The following CNTN2 variants were observed in gnomAD, a reference collection of about 807,000 sequenced individuals.
CNTN2 encodes the protein contactin-2.
In CNTN2, 53 loss-of-function variants were observed where a neutral mutation model predicts 117.5. The observed-to-expected ratio is 0.45, with a 90% confidence interval of 0.36 to 0.57. The LOEUF is 0.57. Ranked by LOEUF, CNTN2 falls within the 20% of genes least tolerant of loss-of-function variation. The pLI is 0.00. For missense variants in CNTN2, 1,106 were observed against 1,404.3 expected (o/e 0.79, Z 3.39); for synonymous variants, 530 against 561.7 (o/e 0.94, Z 0.80).
chr1:205,066,512 C>T lies in CNTN2; in HGVS notation c.1888C>T (p.Arg630Cys), dbSNP rs574231253. The change falls in exon 15 of 23, where the codon CGT (arginine) becomes TGT (cysteine). Residue 630 changes from arginine to cysteine, a missense_variant. Coordinates refer to ENST00000331830, the MANE Select transcript of CNTN2 (RefSeq NM_005076.5). ...GDTTIQLSWS[R>C]GFDNHSPIAK... ...CACCACCATCCAGCTCAGCTGGAGC[C>T]GTGGCTTCGACAACCACAGCCCCAT... 27 of 1,614,064 alleles carry T rather than the reference C, an allele frequency of 1.7e-5. No homozygotes were observed. Among genetic ancestry groups the T allele is most frequent in the Non-Finnish European group, 1.9e-5 (22 of 1,180,036 alleles).
chr1:205,067,988 GAT>G (rs1654394788), intron 16 of CNTN2: 1 of 148,414 alleles, frequency 6.7e-6, no homozygotes, highest in South Asian at 2.2e-4. Context: ...TGATGTGAAA[GAT>G]GTGTGTGTGT....
In CNTN2 at chr1:205,065,858, G is replaced by C; in HGVS notation, c.1765G>C (p.Ala589Pro). The C allele has an allele frequency of 6.2e-7, 1 of 1,614,038 alleles. No individual in the cohort carries two copies. The highest frequency in any genetic ancestry group is 1.7e-4 in the Middle Eastern group (1 of 6,058). ...CCATGGGGGGAAGTACACGTGCATG[G>C]CCCAGACGGTGGTGGACAGCGCGTC... ...LRHGGKYTCM[A>P]QTVVDSASKE... The change falls in exon 14 of 23, where the codon GCC becomes CCC. Residue 589 changes from alanine to proline, a missense_variant. Transcript: ENST00000331830. This position sits in a 1 kb window ranked among gnomAD's most constrained non-coding sequence, Gnocchi z 4.1.
intron 19 of CNTN2, among the ~76,000 whole-genome samples, chr1:205,071,478 C>T (rs898620318): frequency 6.6e-6 from 1 of 152,204 alleles, no homozygotes; most frequent in African/African-American, 2.4e-5. Context: ...AAACTCTGCC[C>T]TTGCCTCTGC....
intron 21 of CNTN2, 154 bp from the exon 22 acceptor site, chr1:205,072,914 C>A (rs17344162): frequency 0.049 from 39,400 of 797,174 alleles, 1,725 homozygotes; most frequent in South Asian, 0.13. Flanking sequence ...TTTCCTCCAC[C>A]AATGAGGAGC....
intron 10 of CNTN2, chr1:205,063,594 A>T (rs1574650000): frequency 6.6e-6 from 1 of 151,710 alleles, no homozygotes; most frequent in East Asian, 1.9e-4. Flanking sequence ...GTGCCATTGC[A>T]CTCCAGCCTG....
At chr1:205,068,566 A>T (rs1252512013) in intron 16 of CNTN2, 1 of 152,216 alleles carries the variant, frequency 6.6e-6, no homozygotes, top group Admixed American at 6.5e-5. Context: ...GAGCACAAAG[A>T]CAGCTGTGAT....
At position 205,053,159 on chromosome 1, in the gene CNTN2, A is replaced by T. The variant is rs1011692623; in HGVS notation, c.-27A>T. 4.4e-6 allele frequency: 7 copies of T among 1,601,084 alleles called. No individual in the cohort carries two copies. In the East Asian group the frequency reaches 1.6e-4, roughly 36 times the overall value. ...GCTGAGCTGAGGCTCTTCTCCTCCG[A>T]TCCCCACCTCTGCCCGGACATCCAC... On this transcript the variant is annotated 5_prime_UTR_variant, in exon 2 of 23. Transcript: ENST00000331830.
Position 205,077,273 on chromosome 1 carries a change from A to C in CNTN2, c.*3508A>C, listed in dbSNP as rs1376818122. Reference sequence around the variant, plus strand: ...CCAGCGTATGCTGCCTCTTTAGGGCAGCCCCAAGGGCCAGCCAGCCTGTAC... The same window carrying C: ...CCAGCGTATGCTGCCTCTTTAGGGCCGCCCCAAGGGCCAGCCAGCCTGTAC... On this transcript the variant is annotated 3_prime_UTR_variant, in exon 23 of 23. Coordinates refer to ENST00000331830, the MANE Select transcript of CNTN2 (RefSeq NM_005076.5). The C allele has an allele frequency of 1.3e-5, 2 of 152,348 alleles. No homozygotes were observed. 9.4% of individuals were successfully genotyped at this position (152,348 alleles called of 1,614,324 possible).
Position 205,065,966 on chromosome 1 carries a change from G to C in CNTN2, c.1816+57G>C. Reference sequence around the variant, plus strand: ...AACTCCCTTAAAACCCAGCTGGGCTGTTCTGACCTGCTCGCCTCATCTCCC... The same window carrying C: ...AACTCCCTTAAAACCCAGCTGGGCTCTTCTGACCTGCTCGCCTCATCTCCC... On this transcript the variant is annotated intron_variant, in intron 14 of 22. Transcript: ENST00000331830. The surrounding 1 kb of genome is among the most constrained non-coding windows in gnomAD (Gnocchi z 4.1). 1 of 1,540,888 alleles carries C rather than the reference G, an allele frequency of 6.5e-7. No individual in the cohort carries two copies. The highest frequency in any genetic ancestry group is 1.3e-5 in the South Asian group (1 of 78,636).
In CNTN2 at chr1:205,058,314, G is replaced by C. The variant is rs777282665; in HGVS notation, c.349G>C (p.Val117Leu). 2 of 1,528,104 alleles carry C rather than the reference G, an allele frequency of 1.3e-6. No homozygotes were observed. The highest frequency in any genetic ancestry group is 1.8e-6 in the Non-Finnish European group (2 of 1,136,346). The allele number at this position is 1,528,104 out of a possible 1,614,324, so 94.7% of individuals were successfully genotyped here. A position where few individuals can be genotyped will look rare whatever the true frequency, so the allele number is the denominator to read the frequency against. ...CTACCAGTGCCTGGCCTCCAACCCA[G>C]TGGGCACCGTTGTCAGCAGGGAGGC... Reference protein sequence around the residue: ...GVYQCLASNPVGTVVSREAIL... With the variant: ...GVYQCLASNPLGTVVSREAIL... The change falls in exon 4 of 23, where the codon GTG becomes CTG. Residue 117 changes from valine to leucine, a missense_variant. By Grantham distance (32) the Val-to-Leu change is conservative. Coordinates refer to ENST00000331830, the MANE Select transcript of CNTN2 (RefSeq NM_005076.5). The surrounding 1 kb of genome is among the most constrained non-coding windows in gnomAD (Gnocchi z 4.3).
Position 205,065,010 on chromosome 1 carries a change from C to T in CNTN2, c.1520-77C>T. 2.0e-6 allele frequency: 3 copies of T among 1,496,550 alleles called. No homozygotes were observed. In the South Asian group the frequency reaches 3.6e-5, roughly 18 times the overall value. The allele number at this position is 1,496,550 out of a possible 1,614,324, so 92.7% of individuals were successfully genotyped here. On this transcript the variant is annotated intron_variant, in intron 12 of 22. Coordinates refer to ENST00000331830, the MANE Select transcript of CNTN2 (RefSeq NM_005076.5). This position sits in a 1 kb window ranked among gnomAD's most constrained non-coding sequence, Gnocchi z 4.1. Reference sequence around the variant, plus strand: ...TCTTTGCTGGGCCTTAGGACAGAGCCTCTCAGCCTGCCCTGCGGACCCGGC... The same window carrying T: ...TCTTTGCTGGGCCTTAGGACAGAGCTTCTCAGCCTGCCCTGCGGACCCGGC...
intron 2 of CNTN2, among the ~76,000 whole-genome samples, chr1:205,053,977 G>A (rs1454867620): frequency 6.6e-6 from 1 of 152,204 alleles, no homozygotes; most frequent in Non-Finnish European, 1.5e-5. Context: ...GGTGAAGAGG[G>A]CAGGCCGAGA....
chr1:205,073,458 G>T lies in CNTN2; in HGVS notation c.3014-198G>T. The T allele has an allele frequency of 1.4e-6, 1 of 740,364 alleles. No homozygotes were observed. Among genetic ancestry groups the T allele is most frequent in the Non-Finnish European group, 2.2e-6 (1 of 456,144 alleles). The allele number at this position is 740,364 out of a possible 1,614,324, so 45.9% of individuals were successfully genotyped here. A position where few individuals can be genotyped will look rare whatever the true frequency, so the allele number is the denominator to read the frequency against. On this transcript the variant is annotated intron_variant, in intron 22 of 22. Transcript: ENST00000331830. The surrounding 1 kb of genome is among the most constrained non-coding windows in gnomAD (Gnocchi z 6.3). ...GGCCAGGGAAGGGCGCAGGGTGCAGGGGGAGGCTGAGGACCAACCAGCAAT... is the reference window on the plus strand; with the variant it reads ...GGCCAGGGAAGGGCGCAGGGTGCAGTGGGAGGCTGAGGACCAACCAGCAAT...
At chr1:205,052,966 C>T (rs115695961) in intron 1 of CNTN2, 134 bp from the exon 2 acceptor site, 23,035 of 428,920 alleles carry the variant, frequency 0.054, 1,034 homozygotes, top group South Asian at 0.18. Context: ...CCTCTGGGGC[C>T]CTGGGGAGAA....
intron 2 of CNTN2, among the ~76,000 whole-genome samples, chr1:205,054,197 A>G (rs1013086678): frequency 2.6e-4 from 39 of 152,182 alleles, no homozygotes; most frequent in Non-Finnish European, 4.7e-4. Context: ...ATGGTCCTGG[A>G]GTTCTAAGCA....
chr1:205,049,315 C>CAA (rs2096448129), intron 1 of CNTN2, among the ~76,000 whole-genome samples: 1 of 149,632 alleles, frequency 6.7e-6, no homozygotes, highest in African/African-American at 2.5e-5. Context: ...CACACACACA[C>CAA]ACACACACAC....
At position 205,073,455 on chromosome 1, in the gene CNTN2, C is replaced by T. The variant is rs1002926; in HGVS notation, c.3014-201C>T. On this transcript the variant is annotated intron_variant, in intron 22 of 22. Coordinates refer to ENST00000331830, the MANE Select transcript of CNTN2 (RefSeq NM_005076.5). This position sits in a 1 kb window ranked among gnomAD's most constrained non-coding sequence, Gnocchi z 6.3. The stretch of plus-strand genomic sequence containing the variant: ...GAGGGCCAGGGAAGGGCGCAGGGTG[C>T]AGGGGGAGGCTGAGGACCAACCAGC... 0.2 allele frequency: 151,100 copies of T among 738,392 alleles called. 16,759 individuals carry two copies. Among genetic ancestry groups the T allele is most frequent in the East Asian group, 0.36 (13,316 of 37,040 alleles). 45.7% of individuals were successfully genotyped at this position (738,392 alleles called of 1,614,324 possible). A position where few individuals can be genotyped will look rare whatever the true frequency, so the allele number is the denominator to read the frequency against.
rs1423517475 is a variant in CNTN2 at position 205,074,618 on chromosome 1, C to T, written c.*853C>T. The T allele has an allele frequency of 2.5e-6, 1 of 398,892 alleles. No individual in the cohort carries two copies. Among genetic ancestry groups the T allele is most frequent in the Admixed American group, 4.4e-5 (1 of 22,718 alleles). The allele number at this position is 398,892 out of a possible 1,614,324, so 24.7% of individuals were successfully genotyped here. A position where few individuals can be genotyped will look rare whatever the true frequency, so the allele number is the denominator to read the frequency against. On this transcript the variant is annotated 3_prime_UTR_variant, in exon 23 of 23. Coordinates refer to ENST00000331830, the MANE Select transcript of CNTN2 (RefSeq NM_005076.5). ...GTCTTGGTGGGGTCTCCCACCCCTC[C>T]AAGACCCATTCTGCACAGTCCCTCC...
rs1048687527 is a variant in CNTN2 at position 205,077,124 on chromosome 1, A to C, written c.*3359A>C. ...GTCCAAGTGTCCATCCAGAGATGAG[A>C]CTCTTAGAATCAAAGTGTTCAGCCC... On this transcript the variant is annotated 3_prime_UTR_variant, in exon 23 of 23. Coordinates refer to ENST00000331830, the MANE Select transcript of CNTN2 (RefSeq NM_005076.5). 2 of 151,928 alleles carry C rather than the reference A, an allele frequency of 1.3e-5. No individual in the cohort carries two copies. Among genetic ancestry groups the C allele is most frequent in the African/African-American group, 4.8e-5 (2 of 41,326 alleles). The allele number at this position is 151,928 out of a possible 1,614,324, so 9.4% of individuals were successfully genotyped here.
Sources: gnomAD v4.1 joint callset for allele counts (sites outside exome capture counted in the v4.1 genomes callset) on GRCh38, gnomAD v4.1.1 for gene constraint, Gnocchi (gnomAD v3.1) non-coding constraint, MANE v1.5 for transcripts, NCBI Gene and HGNC (gene_info 2026-07-23, HGNC 2026-07-21) for gene names.